The following SHANK2 variants were observed in gnomAD, a reference collection of about 807,000 sequenced individuals.
The protein encoded by SHANK2 is SH3 and multiple ankyrin repeat domains protein 2.
In SHANK2, 43 loss-of-function variants were observed where a neutral mutation model predicts 133.7. That is an observed-to-expected ratio of 0.32 (90% CI 0.25 to 0.41). The LOEUF (loss-of-function observed/expected upper bound fraction) is 0.41. SHANK2 is among the 10% of genes least tolerant of loss of function. SHANK2 has a pLI of 1.00. For synonymous variants in SHANK2, 1,017 were observed against 952.8 expected, an observed-to-expected ratio of 1.07 and a Z score of -1.24; for missense variants, 1,994 against 2,235.8, an observed-to-expected ratio of 0.89 and a Z score of 2.18.
intron 9 of SHANK2, among the ~76,000 whole-genome samples, chr11:71,059,204 C>T (rs950858036): frequency 7.2e-4 from 109 of 151,800 alleles, no homozygotes; most frequent in African/African-American, 2.3e-3. Context: ...GCAACAAGAG[C>T]GAAACTCTGT....
At chr11:70,501,453 C>T (rs1336338904) in intron 20 of SHANK2, among the ~76,000 whole-genome samples, 2 of 152,222 alleles carry the variant, frequency 1.3e-5, no homozygotes, top group East Asian at 1.9e-4. Context: ...CTCGTTTCTG[C>T]GCCCATGTAA....
At chr11:71,145,445 C>T (rs550866564) in intron 3 of SHANK2, among the ~76,000 whole-genome samples, 1 of 152,238 alleles carries the variant, frequency 6.6e-6, no homozygotes, top group South Asian at 2.1e-4. Flanking sequence ...ACGGTGAAGC[C>T]ACTTGGCTGA....
chr11:70,601,292 T>C (rs978685758), intron 17 of SHANK2, among the ~76,000 whole-genome samples: 2 of 151,888 alleles, frequency 1.3e-5, no homozygotes, highest in Non-Finnish European at 2.9e-5. Context: ...CGATCTCGGC[T>C]CACTGCAACC....
At chr11:71,089,603 C>T (rs1356861043) in intron 8 of SHANK2, among the ~76,000 whole-genome samples, 1 of 151,390 alleles carries the variant, frequency 6.6e-6, no homozygotes, top group African/African-American at 2.4e-5. Flanking sequence ...ACCCAGTAGA[C>T]GACGTTTGTG....
chr11:71,136,057 G>C (rs1267762736), intron 3 of SHANK2, among the ~76,000 whole-genome samples: 2 of 152,158 alleles, frequency 1.3e-5, no homozygotes, highest in African/African-American at 4.8e-5. Flanking sequence ...CTACATTCTG[G>C]TTGCGACGGC....
chr11:70,801,086 C>T (rs149429848), intron 13 of SHANK2, among the ~76,000 whole-genome samples: 4 of 152,288 alleles, frequency 2.6e-5, no homozygotes, highest in South Asian at 2.1e-4. Context: ...TGTTTCTATG[C>T]GTGAATCGGA....
chr11:70,690,488 G>GTTTTTTTTTTTTTTTTTTT lies in SHANK2; in HGVS notation c.1853+8181_1853+8199dup, dbSNP rs35737323. On this transcript the variant is annotated intron_variant, in intron 15 of 25. Coordinates refer to ENST00000601538, the MANE Select transcript of SHANK2 (RefSeq NM_012309.5). ...ATCATCATAATGTAATACTTCCCATGTTTTTTTTTTTTTTTTTTTTTTTTT... is the reference window on the plus strand; with the variant it reads ...ATCATCATAATGTAATACTTCCCATGTTTTTTTTTTTTTTTTTTTTTTTTTTTTTTTTTTTTTTTTTTTT... Among the ~76,000 whole-genome samples the GTTTTTTTTTTTTTTTTTTT allele has an allele frequency of 3.0e-4, 10 of 32,816 alleles. 2 individuals are homozygous for GTTTTTTTTTTTTTTTTTTT. The highest frequency in any genetic ancestry group is 1.2e-3 in the Admixed American group (2 of 1,662). The allele number at this position is 32,816 out of a possible 152,430, so 21.5% of individuals were successfully genotyped here.
chr11:70,729,757 T>G (rs1946246466), intron 14 of SHANK2, among the ~76,000 whole-genome samples: 1 of 151,492 alleles, frequency 6.6e-6, no homozygotes. Flanking sequence ...ATGGTCTCGA[T>G]CTTCTGACCT....
chr11:70,800,874 A>G (rs535829316), intron 13 of SHANK2, among the ~76,000 whole-genome samples: 3 of 151,446 alleles, frequency 2.0e-5, no homozygotes, highest in Admixed American at 1.3e-4. Flanking sequence ...AGATACCCAC[A>G]CTCTCCTTCC....
rs576049440 is a variant in SHANK2 at position 70,468,105 on chromosome 11, G to A, written c.*4764C>T. 6.6e-6 allele frequency: 1 copy of A among 151,540 alleles called. No homozygotes were observed. The highest frequency in any genetic ancestry group is 1.9e-4 in the East Asian group (1 of 5,150). 9.4% of individuals were successfully genotyped at this position (151,540 alleles called of 1,614,324 possible). A position where few individuals can be genotyped will look rare whatever the true frequency, so the allele number is the denominator to read the frequency against. ...AGATACAGCATTTGAATACAATATG[G>A]TTTTATGCAGATCAGGTTCAAAACA... On this transcript the variant is annotated 3_prime_UTR_variant, in exon 26 of 26. Transcript: ENST00000601538.
At chr11:70,949,723 GCAGGCCTCCCTGGGCCC>G (rs1321636752) in intron 10 of SHANK2, among the ~76,000 whole-genome samples, 5 of 152,214 alleles carry the variant, frequency 3.3e-5, no homozygotes, top group Admixed American at 2.6e-4. Context: ...GGCCCATGCT[GCAGGCCTCCCTGGGCCC>G]CCGTGGCCTG....
intron 10 of SHANK2, among the ~76,000 whole-genome samples, chr11:70,901,267 T>A (rs1017794205): frequency 1.1e-4 from 17 of 152,262 alleles, no homozygotes; most frequent in African/African-American, 3.8e-4. Context: ...TGGCATTTTT[T>A]TAAAAAGTTA....
intron 17 of SHANK2, among the ~76,000 whole-genome samples, chr11:70,539,513 C>T (rs189292102): frequency 4.0e-5 from 6 of 151,708 alleles, no homozygotes; most frequent in South Asian, 4.2e-4. Flanking sequence ...CACGCTCACT[C>T]GCCACGCTCA....
chr11:70,831,516 GCAGCCCCTGCCCA>G (rs1948725133), intron 11 of SHANK2, among the ~76,000 whole-genome samples: 2 of 152,012 alleles, frequency 1.3e-5, no homozygotes, highest in Non-Finnish European at 2.9e-5. Flanking sequence ...CTCCCTCCCT[GCAGCCCCTGCCCA>G]CAGGCATCCC....
rs138052000 is a variant in SHANK2 at position 70,593,223 on chromosome 11, C to T, written c.2061+66605G>A. ...CTACTTATTATATTCTATAATTTCT[C>T]AGCAGTCTCCACGCAGTTCTGAGAA... On this transcript the variant is annotated intron_variant, in intron 17 of 25. Coordinates refer to ENST00000601538, the MANE Select transcript of SHANK2 (RefSeq NM_012309.5). Among the ~76,000 whole-genome samples, 501 of 152,334 alleles carry T rather than the reference C, an allele frequency of 3.3e-3. 10 individuals are homozygous for T. The highest frequency in any genetic ancestry group is 0.011 in the African/African-American group (459 of 41,564).
intron 6 of SHANK2, among the ~76,000 whole-genome samples, chr11:71,109,197 C>T (rs1022650713): frequency 6.6e-6 from 1 of 152,072 alleles, no homozygotes; most frequent in Admixed American, 6.5e-5. Flanking sequence ...GAGACCCTCA[C>T]CTCCACCCCT....
intron 8 of SHANK2, among the ~76,000 whole-genome samples, chr11:71,084,596 A>G (rs1368973106): frequency 2.0e-5 from 3 of 152,200 alleles, no homozygotes; most frequent in Admixed American, 2.0e-4. Flanking sequence ...TGCAAAGCCC[A>G]TCAGCCTGAG....
chr11:70,515,931 TTAA>T (rs2059261237), intron 17 of SHANK2, among the ~76,000 whole-genome samples: 2 of 152,190 alleles, frequency 1.3e-5, no homozygotes, highest in African/African-American at 2.4e-5. Flanking sequence ...ACTGAGCATA[TTAA>T]TAATACATTT....
At chr11:70,504,343 G>A (rs1248776173) in intron 17 of SHANK2, among the ~76,000 whole-genome samples, 1 of 150,470 alleles carries the variant, frequency 6.6e-6, no homozygotes, top group Non-Finnish European at 1.5e-5. Flanking sequence ...CTGTTGACAG[G>A]CCCAGTGCCT....
Sources: gnomAD v4.1 joint callset for allele counts (sites outside exome capture counted in the v4.1 genomes callset) on GRCh38, gnomAD v4.1.1 for gene constraint, MANE v1.5 for transcripts, NCBI Gene and HGNC (gene_info 2026-07-23, HGNC 2026-07-21) for gene names.